The following TULP4 variants were observed in gnomAD, a reference collection of about 807,000 sequenced individuals.
TULP4 encodes the protein TUB like protein 4.
TULP4 carries 16 observed loss-of-function variants against 129.0 expected under a neutral mutation model. The ratio of observed to expected loss-of-function variants is 0.12; its 90% CI spans 0.08 to 0.19. The LOEUF (loss-of-function observed/expected upper bound fraction) is 0.19. TULP4 is among the 10% of genes least tolerant of loss of function. The pLI, the probability that TULP4 is intolerant of heterozygous loss-of-function variation, is 1.00. For synonymous variants in TULP4, 998 were observed against 854.0 expected (o/e 1.17, Z -2.94); for missense variants, 1,842 against 2,059.1 (o/e 0.89, Z 2.04).
intron 1 of TULP4, among the ~76,000 whole-genome samples, chr6:158,336,288 C>T (rs1780031442): frequency 6.6e-6 from 1 of 152,174 alleles, no homozygotes; most frequent in African/African-American, 2.4e-5. Flanking sequence ...TGGTCACCTT[C>T]AAATTGTAAA....
intron 1 of TULP4, among the ~76,000 whole-genome samples, chr6:158,365,453 T>C (rs1780913148): frequency 6.6e-6 from 1 of 151,584 alleles, no homozygotes; most frequent in Non-Finnish European, 1.5e-5. Context: ...AAGTTTTTTT[T>C]TTCTTTTTTT....
intron 1 of TULP4, among the ~76,000 whole-genome samples, chr6:158,361,831 A>G (rs1036305915): frequency 1.3e-5 from 2 of 152,156 alleles, no homozygotes; most frequent in Non-Finnish European, 2.9e-5. Context: ...TAAAGAGTGT[A>G]TATTGGTTTA....
intron 1 of TULP4, among the ~76,000 whole-genome samples, chr6:158,356,658 C>G (rs1268242381): frequency 6.6e-6 from 1 of 152,026 alleles, no homozygotes; most frequent in East Asian, 1.9e-4. Context: ...ATCCTTTCAT[C>G]TTTTATACAT....
At chr6:158,369,798 G>A (rs1329955658) in intron 1 of TULP4, among the ~76,000 whole-genome samples, 1 of 152,122 alleles carries the variant, frequency 6.6e-6, no homozygotes, top group African/African-American at 2.4e-5. Context: ...AAGAGAACTA[G>A]GTGGCAAGCA....
chr6:158,451,614 A>AACC (rs1779164078), intron 4 of TULP4, among the ~76,000 whole-genome samples: 1 of 152,180 alleles, frequency 6.6e-6, no homozygotes, highest in Non-Finnish European at 1.5e-5. Context: ...TATGAGCCAC[A>AACC]TTTAGCCCAA....
rs1780528071 is a variant in TULP4 at position 158,503,685 on chromosome 6, T to G, written c.4022T>G (p.Leu1341Arg). 6.2e-7 allele frequency: 1 copy of G among 1,613,768 alleles called. No individual in the cohort carries two copies. The highest frequency in any genetic ancestry group is 2.2e-5 in the East Asian group (1 of 44,892). Reference protein sequence around the residue: ...EKFGKKNRKRLDSRAEEGSVQ... With the variant: ...EKFGKKNRKRRDSRAEEGSVQ... Reference sequence around the variant, plus strand: ...TTTGGAAAGAAGAACCGGAAGCGCCTGGACAGCCGAGCAGAAGAAGGCAGC... The same window carrying G: ...TTTGGAAAGAAGAACCGGAAGCGCCGGGACAGCCGAGCAGAAGAAGGCAGC... Residue 1341 changes from leucine to arginine, a missense_variant, in exon 13 of 14, where the codon CTG (leucine) becomes CGG (arginine). Around this residue, in one of 5 missense-constraint regions of TULP4, gnomAD observed 1,089 missense variants for 987.1 expected, o/e 1.10. Transcript: ENST00000367097. This position sits in a 1 kb window ranked among gnomAD's most constrained non-coding sequence, Gnocchi z 4.3.
At chr6:158,363,969 A>G (rs1418321069) in intron 1 of TULP4, among the ~76,000 whole-genome samples, 3 of 152,192 alleles carry the variant, frequency 2.0e-5, no homozygotes, top group African/African-American at 7.2e-5. Context: ...TGAATTATTT[A>G]TCAACACTTT....
intron 3 of TULP4, chr6:158,438,037 T>C: frequency 6.6e-6 from 1 of 152,306 alleles, no homozygotes; most frequent in Non-Finnish European, 1.5e-5. Context: ...GGATTGCACC[T>C]GTGAATAGCC....
intron 2 of TULP4, among the ~76,000 whole-genome samples, chr6:158,426,692 G>A (rs1475372459): frequency 1.3e-5 from 2 of 152,044 alleles, no homozygotes; most frequent in African/African-American, 4.8e-5. Context: ...GGATTGCCTT[G>A]GATCTTTGGG....
chr6:158,386,881 A>G lies in TULP4; in HGVS notation c.253-26184A>G, dbSNP rs1462543281. On this transcript the variant is annotated intron_variant, in intron 1 of 13. Coordinates refer to ENST00000367097, the MANE Select transcript of TULP4 (RefSeq NM_020245.5). ...TGGGAAGTTGTTAGAATGTCTATCTAGTACACAGTGTTAGCTGTTTCTAGA... is the reference window on the plus strand; with the variant it reads ...TGGGAAGTTGTTAGAATGTCTATCTGGTACACAGTGTTAGCTGTTTCTAGA... 2.0e-5 allele frequency among the ~76,000 whole-genome samples: 3 copies of G among 152,238 alleles called. 1 individual carries two copies. In the East Asian group the frequency reaches 5.8e-4, roughly 29 times the overall value.
Position 158,503,779 on chromosome 6 carries a change from C to G in TULP4, c.4116C>G (p.Ile1372Met), listed in dbSNP as rs768772992. 3 of 1,614,016 alleles carry G rather than the reference C, an allele frequency of 1.9e-6. No individual in the cohort carries two copies. The highest frequency in any genetic ancestry group is 2.5e-6 in the Non-Finnish European group (3 of 1,180,044). The change falls in exon 13 of 14, where the codon ATC (isoleucine) becomes ATG (methionine). Residue 1372 changes from isoleucine (I) to methionine (M), a missense_variant. By Grantham distance (10) the Ile-to-Met change is conservative (BLOSUM62 1). This residue lies in a region of TULP4 where 1,089 missense variants were observed against 987.1 expected (regional missense o/e 1.10). Coordinates refer to ENST00000367097, the MANE Select transcript of TULP4 (RefSeq NM_020245.5). This position sits in a 1 kb window ranked among gnomAD's most constrained non-coding sequence, Gnocchi z 4.3. Reference protein sequence around the residue: ...ARTLSDFNSLISSPHLGREKK... With the variant: ...ARTLSDFNSLMSSPHLGREKK... ...CTTTGAGTGACTTTAATTCCCTAATCTCCAGCCCACACCTGGGGAGAGAGA... is the reference window on the plus strand; with the variant it reads ...CTTTGAGTGACTTTAATTCCCTAATGTCCAGCCCACACCTGGGGAGAGAGA...
chr6:158,453,452 C>G (rs1277616947), intron 5 of TULP4, among the ~76,000 whole-genome samples: 2 of 130,836 alleles, frequency 1.5e-5, no homozygotes, highest in Non-Finnish European at 3.1e-5. Context: ...CCACTGCACT[C>G]CAGCCTGGGT....
intron 5 of TULP4, among the ~76,000 whole-genome samples, chr6:158,453,282 A>G (rs989858122): frequency 2.0e-5 from 3 of 151,992 alleles, no homozygotes; most frequent in Admixed American, 6.6e-5. Context: ...CCTGGCAAAC[A>G]TGGTGAAACC....
At chr6:158,486,335 CAAGGT>C (rs2128252933) in intron 8 of TULP4, among the ~76,000 whole-genome samples, 1 of 152,222 alleles carries the variant, frequency 6.6e-6, no homozygotes, top group South Asian at 2.1e-4. Flanking sequence ...GGCCAAATCA[CAAGGT>C]AAGGAGATCA....
Position 158,479,924 on chromosome 6 carries a change from G to GC in TULP4, c.1207dup (p.Arg403ProfsTer91), listed in dbSNP as rs746002490. 3 of 1,610,014 alleles carry GC rather than the reference G, an allele frequency of 1.9e-6. No homozygotes were observed. Among genetic ancestry groups the GC allele is most frequent in the Non-Finnish European group, 1.7e-6 (2 of 1,179,456 alleles). On this transcript the variant is annotated frameshift_variant, in exon 7 of 14. Transcript: ENST00000367097. LOFTEE classifies it high-confidence loss of function. ...ACAAGGACGTCAGCAAGCTGACTCT[G>GC]CCCCCCCGCCTCTGCTCCTACCTCT...
intron 1 of TULP4, among the ~76,000 whole-genome samples, chr6:158,324,876 G>A (rs1457113927): frequency 6.6e-6 from 1 of 152,180 alleles, no homozygotes; most frequent in Non-Finnish European, 1.5e-5. Flanking sequence ...TCAAAAAGGT[G>A]AAGGGAAGAG....
At chr6:158,401,947 G>C (rs1268610826) in intron 1 of TULP4, among the ~76,000 whole-genome samples, 1 of 152,128 alleles carries the variant, frequency 6.6e-6, no homozygotes, top group Admixed American at 6.5e-5. Context: ...ATTCTAGACT[G>C]ATGTTTTGGA....
chr6:158,390,940 A>AG (rs981982350), intron 1 of TULP4, among the ~76,000 whole-genome samples: 1 of 152,172 alleles, frequency 6.6e-6, no homozygotes, highest in Non-Finnish European at 1.5e-5. Context: ...AAGTAAAAAA[A>AG]TTAGATGTGG....
intron 1 of TULP4, among the ~76,000 whole-genome samples, chr6:158,379,259 C>A (rs1051406407): frequency 6.6e-6 from 1 of 152,188 alleles, no homozygotes; most frequent in Non-Finnish European, 1.5e-5. Context: ...AGGTAGTTCT[C>A]CTCATATGAA....
Sources: gnomAD v4.1 joint callset for allele counts (sites outside exome capture counted in the v4.1 genomes callset) on GRCh38, gnomAD v4.1.1 for gene constraint, gnomAD v4.1.1 regional missense constraint, Gnocchi (gnomAD v3.1) non-coding constraint, MANE v1.5 for transcripts, NCBI Gene and HGNC (gene_info 2026-07-23, HGNC 2026-07-21) for gene names.